The following TREM1 variants were observed in gnomAD, a reference collection of about 807,000 sequenced individuals.
The protein encoded by TREM1 is triggering receptor expressed on myeloid cells 1.
Under a neutral mutation model 22.4 loss-of-function variants are expected in TREM1, and 16 were observed. The ratio of observed to expected loss-of-function variants is 0.71; its 90% CI spans 0.48 to 1.08. The LOEUF is 1.08. Among genes scored for constraint, TREM1 ranks in the 50% least tolerant of loss-of-function variants. The pLI is 0.00. For synonymous variants in TREM1, 110 were observed against 111.6 expected, an observed-to-expected ratio of 0.99 and a Z score of 0.09; for missense variants, 283 against 282.9, an observed-to-expected ratio of 1.00 and a Z score of 0.00.
chr6:41,279,297 G>A (rs573485961), intron 3 of TREM1, among the ~76,000 whole-genome samples: 2 of 152,236 alleles, frequency 1.3e-5, no homozygotes, highest in Admixed American at 6.5e-5. Context: ...AGCCACTTGC[G>A]TGGGGCCACT....
rs990814468 is a variant in TREM1 at position 41,274,395 on chromosome 6, A to G, written c.*1730T>C. Reference sequence around the variant, plus strand: ...GTTCTGCCTCTCCTAGAGTGTATTTAATGATAATACCCCCTTGCCCTGGTC... The same window carrying G: ...GTTCTGCCTCTCCTAGAGTGTATTTGATGATAATACCCCCTTGCCCTGGTC... On this transcript the variant is annotated 3_prime_UTR_variant, in exon 4 of 4. Transcript: ENST00000244709. 5.9e-5 allele frequency among the ~76,000 whole-genome samples: 9 copies of G among 152,098 alleles called. No individual in the cohort carries two copies. The highest frequency in any genetic ancestry group is 1.0e-4 in the Non-Finnish European group (7 of 68,016).
chr6:41,283,337 A>C (rs963850555), intron 1 of TREM1, among the ~76,000 whole-genome samples: 4 of 152,100 alleles, frequency 2.6e-5, no homozygotes, highest in Admixed American at 2.0e-4. Context: ...TTCCAAGGGA[A>C]CGATCCTGTG....
chr6:41,282,412 C>G lies in TREM1; in HGVS notation c.389G>C (p.Arg130Pro), dbSNP rs780834156. The change falls in exon 2 of 4, where the codon CGC becomes CCC. Residue 130 changes from arginine (R) to proline (P), a missense_variant. Coordinates refer to ENST00000244709, the MANE Select transcript of TREM1 (RefSeq NM_018643.5). ...CCACTCACCCTTGGTCACCACCAAG[C>G]GGATGCGATCGAACAGCATGTGAGG... Reference protein sequence around the residue: ...KEPHMLFDRIRLVVTKGFSGT... With the variant: ...KEPHMLFDRIPLVVTKGFSGT... 6.2e-7 allele frequency: 1 copy of G among 1,611,236 alleles called. No individual in the cohort carries two copies. Among genetic ancestry groups the G allele is most frequent in the Non-Finnish European group, 8.5e-7 (1 of 1,178,242 alleles).
intron 1 of TREM1, among the ~76,000 whole-genome samples, 194 bp from the exon 2 acceptor site, chr6:41,282,945 T>A (rs1767997587): frequency 1.3e-5 from 1 of 78,288 alleles, no homozygotes; most frequent in East Asian, 2.7e-4. Context: ...TGTGAGTAGG[T>A]TTTTTACTAT....
Position 41,282,635 on chromosome 6 carries a change from G to C in TREM1, c.166C>G (p.Gln56Glu), listed in dbSNP as rs1252995249. 2 of 1,614,166 alleles carry C rather than the reference G, an allele frequency of 1.2e-6. No individual in the cohort carries two copies. Among genetic ancestry groups the C allele is most frequent in the South Asian group, 2.2e-5 (2 of 91,082 alleles). Residue 56 changes from glutamine to glutamate, a missense_variant, in exon 2 of 4, where the codon CAG (glutamine) becomes GAG (glutamate). By Grantham distance (29) the Gln-to-Glu change is conservative. Coordinates refer to ENST00000244709, the MANE Select transcript of TREM1 (RefSeq NM_018643.5). ...EKFASSQKAWQIIRDGEMPKT... is the reference protein window; with the variant it reads ...EKFASSQKAWEIIRDGEMPKT... Reference sequence around the variant, plus strand: ...GGCATCTCTCCGTCCCTTATTATCTGCCAAGCTTTCTGGCTGCTGGCAAAC... The same window carrying C: ...GGCATCTCTCCGTCCCTTATTATCTCCCAAGCTTTCTGGCTGCTGGCAAAC...
Position 41,274,407 on chromosome 6 carries a change from C to T in TREM1, c.*1718G>A, listed in dbSNP as rs773004129. On this transcript the variant is annotated 3_prime_UTR_variant, in exon 4 of 4. Transcript: ENST00000244709. ...CTAGAGTGTATTTAATGATAATACC[C>T]CCTTGCCCTGGTCACTTTGTCAACT... 6.6e-6 allele frequency among the ~76,000 whole-genome samples: 1 copy of T among 152,090 alleles called. No individual in the cohort carries two copies. The highest frequency in any genetic ancestry group is 2.4e-5 in the African/African-American group (1 of 41,380).
rs756441354 is a variant in TREM1 at position 41,279,724 on chromosome 6, T to C, written c.599+1237A>G. 34 of 985,342 alleles carry C rather than the reference T, an allele frequency of 3.5e-5. No individual in the cohort carries two copies. In the African/African-American group the frequency reaches 3.8e-4, roughly 11 times the overall value. The allele number at this position is 985,342 out of a possible 1,614,324, so 61.0% of individuals were successfully genotyped here. On this transcript the variant is annotated intron_variant, in intron 3 of 3. Coordinates refer to ENST00000244709, the MANE Select transcript of TREM1 (RefSeq NM_018643.5). ...TGATTTAACTCACACTATTTAATGATTTAAAAGACTAAATCCGTGTCTGTA... is the reference window on the plus strand; with the variant it reads ...TGATTTAACTCACACTATTTAATGACTTAAAAGACTAAATCCGTGTCTGTA...
chr6:41,279,957 A>G (rs1767837754), intron 3 of TREM1: 2 of 977,278 alleles, frequency 2.0e-6, no homozygotes, highest in Non-Finnish European at 2.4e-6. Context: ...ACACTATATC[A>G]ATGTCTAAGA....
At chr6:41,272,736 G>A (rs1169878531), downstream of TREM1, among the ~76,000 whole-genome samples, 1 of 152,138 alleles carries the variant, frequency 6.6e-6, no homozygotes, top group Non-Finnish European at 1.5e-5. Flanking sequence ...GGGCTTCCCT[G>A]AGCTAACCTG....
In TREM1 at chr6:41,276,137, T is replaced by A; in HGVS notation, c.693A>T (p.Ser231=). Residue 231 remains serine (S), a synonymous_variant, in exon 4 of 4, where the codon TCA becomes TCT. Coordinates refer to ENST00000244709, the MANE Select transcript of TREM1 (RefSeq NM_018643.5). ...TGGGTTCGTGGGCCTAGGGTACAAATGACCTCAGCGTGACAGCAAACAGGA... is the reference window on the plus strand; with the variant it reads ...TGGGTTCGTGGGCCTAGGGTACAAAAGACCTCAGCGTGACAGCAAACAGGA... ...FSVLFAVTLR[S]FVP 1 of 1,613,980 alleles carries A rather than the reference T, an allele frequency of 6.2e-7. No individual in the cohort carries two copies. The highest frequency in any genetic ancestry group is 8.5e-7 in the Non-Finnish European group (1 of 1,179,920).
chr6:41,286,120 T>C (rs1561925589), intron 1 of TREM1, among the ~76,000 whole-genome samples: 1 of 152,192 alleles, frequency 6.6e-6, no homozygotes, highest in Non-Finnish European at 1.5e-5. Context: ...GCTGGGATGA[T>C]CACCTCCACC....
rs925331837 is a variant in TREM1, at chr6:41,274,599, G to T, written c.*1526C>A. Among the ~76,000 whole-genome samples the T allele has an allele frequency of 1.3e-5, 2 of 152,118 alleles. No homozygotes were observed. The highest frequency in any genetic ancestry group is 2.9e-5 in the Non-Finnish European group (2 of 68,036). On this transcript the variant is annotated 3_prime_UTR_variant, in exon 4 of 4. Coordinates refer to ENST00000244709, the MANE Select transcript of TREM1 (RefSeq NM_018643.5). ...GATTAACAGCTTCTGGATCTAGTGC[G>T]TCTGCAAAGATTCTCACCAGAGCAT...
rs1488911425 is a variant in TREM1 at position 41,274,973 on chromosome 6, A to G, written c.*1152T>C. ...CATCCTTTCCCCACCCATGAGGCCC[A>G]TTTCCCTTTAAAGCTCAAAGTAGGA... On this transcript the variant is annotated 3_prime_UTR_variant, in exon 4 of 4. Coordinates refer to ENST00000244709, the MANE Select transcript of TREM1 (RefSeq NM_018643.5). Among the ~76,000 whole-genome samples, 1 of 152,074 alleles carries G rather than the reference A, an allele frequency of 6.6e-6. No individual in the cohort carries two copies. Among genetic ancestry groups the G allele is most frequent in the Non-Finnish European group, 1.5e-5 (1 of 67,994 alleles).
At chr6:41,283,212 C>A (rs1299460710) in intron 1 of TREM1, among the ~76,000 whole-genome samples, 1 of 152,204 alleles carries the variant, frequency 6.6e-6, no homozygotes, top group Non-Finnish European at 1.5e-5. Flanking sequence ...GCAAGGAGAT[C>A]AGCTCAAAAG....
At position 41,273,694 on chromosome 6, in the gene TREM1, A is replaced by G. The variant is rs929716349; in HGVS notation, c.*2431T>C. 6.6e-6 allele frequency among the ~76,000 whole-genome samples: 1 copy of G among 152,208 alleles called. No homozygotes were observed. Among genetic ancestry groups the G allele is most frequent in the African/African-American group, 2.4e-5 (1 of 41,450 alleles). On this transcript the variant is annotated 3_prime_UTR_variant, in exon 4 of 4. Transcript: ENST00000244709. ...GCTTCAGTATGCTGAGGCTGGCAAT[A>G]GTGGTGGGTCATTCCCACTGCTGGG...
chr6:41,284,285 A>C (rs1208397767), intron 1 of TREM1, among the ~76,000 whole-genome samples: 1 of 152,220 alleles, frequency 6.6e-6, no homozygotes, highest in East Asian at 1.9e-4. Context: ...TACAGTGCAC[A>C]GGACAGCCCC....
In TREM1 at chr6:41,275,813, C is replaced by T; in HGVS notation, c.*312G>A. On this transcript the variant is annotated 3_prime_UTR_variant, in exon 4 of 4. Transcript: ENST00000244709. ...GTGTGCCTTCTGCATGTCACAGCCC[C>T]CACAAGAGAATTACGGTGAAAAGCA... The T allele has an allele frequency of 2.6e-6, 1 of 381,590 alleles. No individual in the cohort carries two copies. The highest frequency in any genetic ancestry group is 4.9e-6 in the Non-Finnish European group (1 of 202,288). 23.6% of individuals were successfully genotyped at this position (381,590 alleles called of 1,614,324 possible). A position where few individuals can be genotyped will look rare whatever the true frequency, so the allele number is the denominator to read the frequency against.
At chr6:41,279,527 T>A (rs1399463315) in intron 3 of TREM1, 1 of 984,920 alleles carries the variant, frequency 1.0e-6, no homozygotes, top group Non-Finnish European at 1.2e-6. Context: ...AAAAAAAAAT[T>A]GACTCTTAGT....
chr6:41,280,623 C>G, intron 3 of TREM1: 1 of 1,342,872 alleles, frequency 7.4e-7, no homozygotes, highest in Admixed American at 3.4e-5. Context: ...GATCCAGGGC[C>G]CCTCACTCAG....
Sources: gnomAD v4.1 joint callset for allele counts (sites outside exome capture counted in the v4.1 genomes callset) on GRCh38, gnomAD v4.1.1 for gene constraint, MANE v1.5 for transcripts, NCBI Gene and HGNC (gene_info 2026-07-23, HGNC 2026-07-21) for gene names.